The following NKAIN2 variants were observed in gnomAD, a reference collection of about 807,000 sequenced individuals.
The protein encoded by NKAIN2 is sodium/potassium-transporting ATPase subunit beta-1-interacting protein 2.
A neutral mutation model predicts 32.6 loss-of-function variants in NKAIN2; 14 were observed. The ratio of observed to expected loss-of-function variants is 0.43; its 90% CI spans 0.28 to 0.67. The LOEUF is 0.67. Ranked by LOEUF, NKAIN2 falls within the 30% of genes least tolerant of loss-of-function variation. The probability of loss-of-function intolerance (pLI) is 0.17; values close to 1 mark genes in which losing one functional copy is unlikely to be tolerated. For synonymous variants in NKAIN2, 80 were observed against 87.2 expected (o/e 0.92, Z 0.46); for missense variants, 198 against 258.3 (o/e 0.77, Z 1.60).
intron 5 of NKAIN2, among the ~76,000 whole-genome samples, chr6:124,812,941 G>A (rs144276792): frequency 1.3e-4 from 19 of 151,800 alleles, no homozygotes; most frequent in Middle Eastern, 3.4e-3. Context: ...AGTAATTCCT[G>A]TCTGTCTTTC....
chr6:124,270,057 G>T (rs982489784), intron 1 of NKAIN2, among the ~76,000 whole-genome samples: 1 of 152,176 alleles, frequency 6.6e-6, no homozygotes. Context: ...AAGAGCAGAT[G>T]GGAGGGAAGG....
intron 3 of NKAIN2, chr6:124,490,430 T>TTTTC: frequency 2.5e-6 from 1 of 407,818 alleles, no homozygotes; most frequent in South Asian, 1.8e-5. Context: ...TTTTTTTTTT[T>TTTTC]AAGAATTCTT....
intron 1 of NKAIN2, among the ~76,000 whole-genome samples, chr6:123,916,429 T>A (rs914101004): frequency 3.2e-4 from 49 of 151,922 alleles, no homozygotes; most frequent in African/African-American, 1.2e-3. Context: ...CCTGGCTAAT[T>A]TTTTTTGTAT....
intron 3 of NKAIN2, among the ~76,000 whole-genome samples, chr6:124,363,808 A>G (rs976807206): frequency 6.6e-6 from 1 of 152,208 alleles, no homozygotes; most frequent in Non-Finnish European, 1.5e-5. Context: ...ACACCATTAT[A>G]TTAGACATTT....
chr6:124,238,524 T>C (rs1300742988), intron 1 of NKAIN2, among the ~76,000 whole-genome samples: 1 of 151,802 alleles, frequency 6.6e-6, no homozygotes, highest in African/African-American at 2.4e-5. Context: ...GCAATAGAAG[T>C]TAAAATATAG....
intron 1 of NKAIN2, among the ~76,000 whole-genome samples, chr6:124,054,053 G>A (rs1323439475): frequency 6.6e-6 from 1 of 152,084 alleles, no homozygotes; most frequent in African/African-American, 2.4e-5. Flanking sequence ...CATTTTATAT[G>A]TATTATCTAT....
chr6:124,248,949 C>G (rs1319625160), intron 1 of NKAIN2, among the ~76,000 whole-genome samples: 3 of 152,080 alleles, frequency 2.0e-5, no homozygotes, highest in Non-Finnish European at 4.4e-5. Context: ...GCATCCTATT[C>G]TATACACAGA....
chr6:124,084,654 G>A (rs1784114586), intron 1 of NKAIN2, among the ~76,000 whole-genome samples: 1 of 151,910 alleles, frequency 6.6e-6, no homozygotes, highest in South Asian at 2.1e-4. Context: ...GAAAGTCCGG[G>A]AAAAAAGGGA....
At chr6:124,382,085 T>G (rs1772669550) in intron 3 of NKAIN2, among the ~76,000 whole-genome samples, 3 of 150,880 alleles carry the variant, frequency 2.0e-5, no homozygotes, top group Admixed American at 6.6e-5. Context: ...TTTCTCTCAT[T>G]GTTAGATTTA....
chr6:124,156,470 C>A (rs1197102531), intron 1 of NKAIN2, among the ~76,000 whole-genome samples: 2 of 151,658 alleles, frequency 1.3e-5, no homozygotes, highest in Non-Finnish European at 2.9e-5. Flanking sequence ...GTCATATAGC[C>A]ATCTGGGGAA....
intron 1 of NKAIN2, among the ~76,000 whole-genome samples, chr6:124,031,536 T>C (rs1312280792): frequency 6.6e-6 from 1 of 152,224 alleles, no homozygotes; most frequent in Non-Finnish European, 1.5e-5. Flanking sequence ...TGCTTTCTCT[T>C]GTGGACATTT....
At chr6:124,274,105 A>C (rs925736120) in intron 1 of NKAIN2, among the ~76,000 whole-genome samples, 3 of 152,218 alleles carry the variant, frequency 2.0e-5, no homozygotes, top group African/African-American at 7.2e-5. Context: ...CTACAAAGGT[A>C]TAAAATTATT....
chr6:124,369,169 G>T (rs1799644241), intron 3 of NKAIN2, among the ~76,000 whole-genome samples: 1 of 151,956 alleles, frequency 6.6e-6, no homozygotes, highest in Admixed American at 6.6e-5. Context: ...TACCATCCTT[G>T]TTTGTCTCTA....
At chr6:124,506,293 TA>T in intron 3 of NKAIN2, among the ~76,000 whole-genome samples, 1 of 152,350 alleles carries the variant, frequency 6.6e-6, no homozygotes, top group Admixed American at 6.5e-5. Context: ...CTGGCCTTTT[TA>T]TATTGCCCTA....
intron 1 of NKAIN2, among the ~76,000 whole-genome samples, chr6:124,185,967 T>C (rs916933117): frequency 1.3e-5 from 2 of 151,780 alleles, no homozygotes; most frequent in African/African-American, 2.4e-5. Flanking sequence ...CATTTGCTTG[T>C]TACCCAAAAT....
chr6:124,709,674 T>A (rs1775326142), intron 4 of NKAIN2, among the ~76,000 whole-genome samples: 1 of 151,274 alleles, frequency 6.6e-6, no homozygotes, highest in South Asian at 2.1e-4. Context: ...TTCTGTGGGA[T>A]CGGTGGTGAT....
At chr6:124,459,150 T>A (rs760117159) in intron 3 of NKAIN2, among the ~76,000 whole-genome samples, 27 of 151,982 alleles carry the variant, frequency 1.8e-4, no homozygotes, top group Non-Finnish European at 3.7e-4. Flanking sequence ...TCTGGCCCAC[T>A]GAGGCAAAGA....
At chr6:124,651,487 T>C (rs1303165326) in intron 3 of NKAIN2, among the ~76,000 whole-genome samples, 1 of 152,178 alleles carries the variant, frequency 6.6e-6, no homozygotes, top group Non-Finnish European at 1.5e-5. Flanking sequence ...CTTTGATTAG[T>C]GGATGCTGCC....
intron 3 of NKAIN2, among the ~76,000 whole-genome samples, chr6:124,501,339 C>A (rs1184439543): frequency 2.6e-5 from 4 of 152,052 alleles, no homozygotes; most frequent in African/African-American, 9.7e-5. Flanking sequence ...GAAGTCATTG[C>A]AAGTCTTAAA....
Sources: allele counts gnomAD v4.1 joint callset (sites outside exome capture counted in the v4.1 genomes callset), GRCh38; gene constraint gnomAD v4.1.1; transcripts MANE v1.5; gene names NCBI Gene and HGNC (gene_info 2026-07-23, HGNC 2026-07-21).